The following C21orf58 variants were observed in gnomAD, a reference collection of about 807,000 sequenced individuals.
The protein encoded by C21orf58 is uncharacterized protein C21orf58.
C21orf58 carries 34 observed loss-of-function variants against 35.8 expected under a neutral mutation model. The observed-to-expected ratio is 0.95, with a 90% CI of 0.72 to 1.26. The LOEUF (loss-of-function observed/expected upper bound fraction) is 1.26, where lower values mean the gene tolerates loss of function less well. Among genes scored for constraint, C21orf58 ranks in the 50% most tolerant of loss-of-function variants. The probability of loss-of-function intolerance (pLI) is 0.00; values close to 1 mark genes in which losing one functional copy is unlikely to be tolerated. For missense variants in C21orf58, 440 were observed against 414.3 expected (o/e 1.06, Z -0.54); for synonymous variants, 191 against 175.8 (o/e 1.09, Z -0.68).
At chr21:46,319,526 G>T (rs1043052256) in intron 1 of C21orf58, among the ~76,000 whole-genome samples, 1 of 152,158 alleles carries the variant, frequency 6.6e-6, no homozygotes, top group East Asian at 1.9e-4. Flanking sequence ...GCTTTGGGAG[G>T]CCAAGGCAGA....
At chr21:46,318,473 G>T in intron 1 of C21orf58, 1 of 1,387,840 alleles carries the variant, frequency 7.2e-7, no homozygotes, top group South Asian at 1.5e-5. Context: ...CCTCAGACCT[G>T]GGGGAAGGGC....
At chr21:46,303,733 ATATATATATATATTTTTT>A (rs1263622536) in intron 6 of C21orf58, among the ~76,000 whole-genome samples, 27 of 32,230 alleles carry the variant, frequency 8.4e-4, no homozygotes, top group African/African-American at 1.8e-3. Flanking sequence ...ATATATATAT[ATATATATATATATTTTTT>A]TTTTTTTTTT....
chr21:46,308,904 C>A (rs143162853), intron 6 of C21orf58, among the ~76,000 whole-genome samples: 502 of 152,322 alleles, frequency 3.3e-3, no homozygotes, highest in Middle Eastern at 6.8e-3. Flanking sequence ...CCCCTTGCCA[C>A]GTGATGCCTC....
Position 46,314,716 on chromosome 21 carries a change from C to A in C21orf58, c.609G>T (p.Thr203=). 6.9e-6 allele frequency: 10 copies of A among 1,458,644 alleles called. No individual in the cohort carries two copies. Among genetic ancestry groups the A allele is most frequent in the Non-Finnish European group, 9.1e-6 (10 of 1,098,160 alleles). The allele number at this position is 1,458,644 out of a possible 1,614,324, so 90.4% of individuals were successfully genotyped here. Residue 203 remains threonine, a splice_region_variant and synonymous_variant, in exon 5 of 8, where the codon ACG becomes ACT. Transcript: ENST00000291691. ...APDPPRIILP[T]VPQPPATIIQ... ...GTGCTCCTCGACTTCGCCCTCTTAC[C>A]GTAGGCAGGATGATCCTTGGCGGGT...
At chr21:46,322,442 T>C (rs1449078732) in intron 1 of C21orf58, 197 bp downstream of exon 1, 1 of 985,072 alleles carries the variant, frequency 1.0e-6, no homozygotes, top group African/African-American at 1.7e-5. Flanking sequence ...AAATGTATTG[T>C]AACACGTAAC....
At chr21:46,305,799 G>A (rs138317170) in intron 6 of C21orf58, among the ~76,000 whole-genome samples, 37 of 151,986 alleles carry the variant, frequency 2.4e-4, no homozygotes, top group East Asian at 1.9e-3. Context: ...AAAATTAGCC[G>A]GGCCTGGTGG....
At chr21:46,313,735 TG>T (rs1206746976) in intron 5 of C21orf58, among the ~76,000 whole-genome samples, 1 of 152,182 alleles carries the variant, frequency 6.6e-6, no homozygotes, top group African/African-American at 2.4e-5. Flanking sequence ...GAGGAGGGTC[TG>T]GGGCAGGTCC....
intron 3 of C21orf58, 40 bp from the exon 4 acceptor site, chr21:46,315,587 G>C (rs941453481): frequency 4.3e-6 from 6 of 1,381,016 alleles, no homozygotes; most frequent in Non-Finnish European, 5.2e-6. Flanking sequence ...GGAACGCGTA[G>C]AGGCTGTCGC....
intron 1 of C21orf58, chr21:46,322,233 G>C (rs1274230479): frequency 6.4e-6 from 1 of 156,822 alleles, no homozygotes; most frequent in Non-Finnish European, 1.4e-5. Context: ...GCTGCAATGA[G>C]CGGTGGTCTC....
chr21:46,308,259 G>A (rs765323308), intron 6 of C21orf58, among the ~76,000 whole-genome samples: 50 of 152,058 alleles, frequency 3.3e-4, no homozygotes, highest in Non-Finnish European at 5.4e-4. Context: ...TCAGGAGTTC[G>A]AGACCAGCCT....
intron 6 of C21orf58, among the ~76,000 whole-genome samples, chr21:46,309,389 T>C (rs2082567970): frequency 6.9e-6 from 1 of 144,208 alleles, no homozygotes; most frequent in Admixed American, 7.1e-5. Context: ...TTGAACCCGG[T>C]GGGCAGAGGT....
Position 46,317,267 on chromosome 21 carries a change from TTC to T in C21orf58, c.310-1_310del. On this transcript the variant is annotated splice_acceptor_variant and coding_sequence_variant, in exon 3 of 8. Transcript: ENST00000291691. LOFTEE classifies it high-confidence loss of function. ...CACGTTCTGCCGTTCTTGCTCCAGC[TTC>T]TGTGAGGAAGAGAGACCGTGACAGA... 6.2e-7 allele frequency: 1 copy of T among 1,611,468 alleles called. No individual in the cohort carries two copies.
rs2082886556 is a variant in C21orf58 at position 46,314,585 on chromosome 21, G to T, written c.609+131C>A. 2.6e-5 allele frequency: 18 copies of T among 702,294 alleles called. No individual in the cohort carries two copies. The South Asian group carries it at 3.7e-4, about 15-fold the overall frequency. The allele number at this position is 702,294 out of a possible 1,614,324, so 43.5% of individuals were successfully genotyped here. ...CAGGCAGGCAGCTGGCCCCCTTCAA[G>T]GGTGGGCCTTGGGAGGATGGGGGTG... is the stretch of plus-strand genomic sequence containing the variant. On this transcript the variant is annotated intron_variant, in intron 5 of 7. Transcript: ENST00000291691.
chr21:46,302,690 C>T (rs1212974842), intron 6 of C21orf58, 114 bp from the exon 7 acceptor site: 3 of 834,520 alleles, frequency 3.6e-6, no homozygotes, highest in Non-Finnish European at 5.8e-6. Flanking sequence ...GTGCAGGTCC[C>T]CGGGGCAGGC....
chr21:46,315,923 TG>T (rs2082959693), intron 3 of C21orf58, among the ~76,000 whole-genome samples: 1 of 152,172 alleles, frequency 6.6e-6, no homozygotes, highest in South Asian at 2.1e-4. Context: ...CTTGGCCACC[TG>T]GAGCCACCCT....
At chr21:46,312,998 T>C in intron 5 of C21orf58, 4 of 985,464 alleles carry the variant, frequency 4.1e-6, no homozygotes, top group Non-Finnish European at 4.8e-6. Flanking sequence ...TTTTATCCTC[T>C]TCTAGCTGTG....
chr21:46,307,380 T>C (rs1374107666), intron 6 of C21orf58, among the ~76,000 whole-genome samples: 1 of 151,640 alleles, frequency 6.6e-6, no homozygotes, highest in Non-Finnish European at 1.5e-5. Context: ...CACTCACCCA[T>C]TCACACACAC....
intron 1 of C21orf58, chr21:46,318,977 G>T: frequency 2.4e-6 from 1 of 417,072 alleles, no homozygotes; most frequent in Non-Finnish European, 3.2e-6. Context: ...GACCCGAGGG[G>T]CAGAGGTCAG....
intron 6 of C21orf58, among the ~76,000 whole-genome samples, chr21:46,310,466 C>T (rs1045868183): frequency 7.5e-5 from 11 of 146,238 alleles, no homozygotes; most frequent in African/African-American, 1.6e-4. Context: ...GCAACAAGAG[C>T]GAGACTGTCT....
Sources: gnomAD v4.1 joint callset for allele counts (sites outside exome capture counted in the v4.1 genomes callset) on GRCh38, gnomAD v4.1.1 for gene constraint, MANE v1.5 for transcripts, NCBI Gene and HGNC (gene_info 2026-07-23, HGNC 2026-07-21) for gene names.